TRPC5: variants seen among roughly 807,000 people sequenced by gnomAD.
TRPC5 encodes short transient receptor potential channel 5.
In TRPC5, 9 loss-of-function variants were observed where a neutral mutation model predicts 56.5. The ratio of observed to expected loss-of-function variants is 0.16; its 90% confidence interval spans 0.10 to 0.28. The LOEUF is 0.28. Ranked by LOEUF, TRPC5 falls within the 10% of genes least tolerant of loss-of-function variation. The probability of loss-of-function intolerance (pLI) is 1.00; values close to 1 mark genes in which losing one functional copy is unlikely to be tolerated. For synonymous variants in TRPC5, 282 were observed against 278.5 expected, an observed-to-expected ratio of 1.01 and a Z score of -0.13; for missense variants, 469 against 748.9, an observed-to-expected ratio of 0.63 and a Z score of 4.36.
At chrX:111,873,373 G>C (rs1435665418) in intron 3 of TRPC5, among the ~76,000 whole-genome samples, 1 of 111,422 alleles carries the variant, frequency 9.0e-6, no homozygotes, top group Non-Finnish European at 1.9e-5. Flanking sequence ...GGGGGCTTAG[G>C]CTGAAGGACC....
At chrX:111,878,400 A>G (rs1163465570) in intron 3 of TRPC5, among the ~76,000 whole-genome samples, 2 of 111,629 alleles carry the variant, frequency 1.8e-5, no homozygotes, top group African/African-American at 6.5e-5. Flanking sequence ...TTAGACTCTA[A>G]GCTTCCTTAG....
At chrX:112,060,673 C>T (rs966134875) in intron 1 of TRPC5, among the ~76,000 whole-genome samples, 13 of 111,496 alleles carry the variant, frequency 1.2e-4, no homozygotes, top group African/African-American at 4.2e-4. Flanking sequence ...TCATCACTTC[C>T]CAAGCGAAGT....
intron 3 of TRPC5, among the ~76,000 whole-genome samples, chrX:111,906,685 T>C (rs1279974573): frequency 2.0e-5 from 1 of 48,909 alleles, no homozygotes; most frequent in Non-Finnish European, 6.7e-5. Flanking sequence ...AATTGGCTTA[T>C]CTTTGGGTCC....
At chrX:111,825,211 CTTT>C (rs1922183714) in intron 7 of TRPC5, among the ~76,000 whole-genome samples, 1 of 57,058 alleles carries the variant, frequency 1.8e-5, no homozygotes, top group Non-Finnish European at 3.6e-5. Flanking sequence ...TTCTTTCTTT[CTTT>C]CTTTCTTCTT....
At chrX:112,056,453 G>A (rs1930343730) in intron 1 of TRPC5, among the ~76,000 whole-genome samples, 1 of 112,203 alleles carries the variant, frequency 8.9e-6, no homozygotes, top group African/African-American at 3.2e-5. Context: ...CCACACCAAG[G>A]AGTTCGATTT....
chrX:112,023,021 A>G (rs182913808), intron 1 of TRPC5, among the ~76,000 whole-genome samples: 1,128 of 109,214 alleles, frequency 0.01, 22 homozygotes, highest in African/African-American at 0.035. Context: ...TGCAAGCTCT[A>G]CTTCCCGGGT....
intron 1 of TRPC5, among the ~76,000 whole-genome samples, chrX:112,004,546 C>T (rs1201144930): frequency 8.9e-6 from 1 of 111,863 alleles, no homozygotes; most frequent in African/African-American, 3.3e-5. Flanking sequence ...ATCTTTTGCC[C>T]AGCAGCATCA....
intron 7 of TRPC5, among the ~76,000 whole-genome samples, chrX:111,806,306 A>T (rs2148562912): frequency 8.9e-6 from 1 of 112,494 alleles, no homozygotes; most frequent in South Asian, 3.7e-4. Context: ...CTCTGGCTCA[A>T]GATCTCTTAC....
chrX:112,013,819 A>G (rs780891504), intron 1 of TRPC5, among the ~76,000 whole-genome samples: 2 of 111,764 alleles, frequency 1.8e-5, no homozygotes, highest in African/African-American at 6.5e-5. Flanking sequence ...TGCCAGCCAC[A>G]TTGCCAGTCC....
chrX:111,779,256 AAT>A (rs1945901842), intron 9 of TRPC5, among the ~76,000 whole-genome samples, 182 bp from the exon 10 acceptor site: 2 of 112,004 alleles, frequency 1.8e-5, no homozygotes. Flanking sequence ...TGTGTCTCTG[AAT>A]TTAGTGGCAG....
At chrX:112,032,847 G>T (rs1008619354) in intron 1 of TRPC5, among the ~76,000 whole-genome samples, 2 of 111,186 alleles carry the variant, frequency 1.8e-5, no homozygotes, top group Non-Finnish European at 3.8e-5. Flanking sequence ...CTGTGGTTTT[G>T]ATTTTCATTT....
At chrX:111,865,641 A>G (rs574788352) in intron 3 of TRPC5, among the ~76,000 whole-genome samples, 1 of 112,090 alleles carries the variant, frequency 8.9e-6, no homozygotes, top group African/African-American at 3.2e-5. Flanking sequence ...CTTAAAAGCT[A>G]TAAGACTGAG....
intron 1 of TRPC5, among the ~76,000 whole-genome samples, chrX:111,956,394 A>G (rs1309111170): frequency 1.8e-5 from 2 of 111,985 alleles, no homozygotes; most frequent in East Asian, 5.6e-4. Context: ...ATTTAATCTG[A>G]TAAATTTGTA....
At chrX:111,797,559 G>T (rs1006773401) in intron 7 of TRPC5, among the ~76,000 whole-genome samples, 10 of 112,069 alleles carry the variant, frequency 8.9e-5, no homozygotes, top group Admixed American at 4.7e-4. Flanking sequence ...TAGACCCACT[G>T]CTAGATTTTG....
intron 1 of TRPC5, among the ~76,000 whole-genome samples, chrX:111,997,460 A>T (rs1374536187): frequency 9.0e-6 from 1 of 110,624 alleles, no homozygotes; most frequent in Non-Finnish European, 1.9e-5. Context: ...TCTGACAATT[A>T]TATGTCTTGG....
chrX:111,949,887 T>C (rs1438732180), intron 2 of TRPC5, among the ~76,000 whole-genome samples: 1 of 111,446 alleles, frequency 9.0e-6, no homozygotes, highest in Non-Finnish European at 1.9e-5. Context: ...AAAAAGATAA[T>C]TGCACACACA....
At chrX:111,790,533 A>G (rs991850813) in intron 7 of TRPC5, among the ~76,000 whole-genome samples, 33 of 111,696 alleles carry the variant, frequency 3.0e-4, no homozygotes, top group African/African-American at 1.1e-3. Flanking sequence ...CGTTGTGCAC[A>G]TGTACCCTAG....
rs1351526490 is a variant in TRPC5 at position 111,770,770 on chromosome X, C to G, written c.*5543G>C. ...TCAAGAGGGTTCCTAGGTTGGAAGG[C>G]AATTGGTGGCAATGAGTATTTTGGG... On this transcript the variant is annotated 3_prime_UTR_variant, in exon 11 of 11. Coordinates refer to ENST00000262839, the MANE Select transcript of TRPC5 (RefSeq NM_012471.3). Among the ~76,000 whole-genome samples, 1 of 111,594 alleles carries G rather than the reference C, an allele frequency of 9.0e-6. No individual in the cohort carries two copies. The highest frequency in any genetic ancestry group is 1.9e-5 in the Non-Finnish European group (1 of 53,135).
At chrX:111,850,456 C>T (rs950140867) in intron 5 of TRPC5, among the ~76,000 whole-genome samples, 2 of 111,874 alleles carry the variant, frequency 1.8e-5, no homozygotes, top group Admixed American at 9.5e-5. Context: ...GAGCCTATGT[C>T]GCAGTTCTTA....
Sources: gnomAD v4.1 joint callset for allele counts (sites outside exome capture counted in the v4.1 genomes callset) on GRCh38, gnomAD v4.1.1 for gene constraint, MANE v1.5 for transcripts, NCBI Gene and HGNC (gene_info 2026-07-23, HGNC 2026-07-21) for gene names.